Variants in MIEF1 observed in about 807,000 individuals in gnomAD.
MIEF1 encodes the protein mitochondrial elongation factor 1.
In MIEF1, 14 loss-of-function variants were observed where a neutral mutation model predicts 35.1. The ratio of observed to expected loss-of-function variants is 0.40; its 90% confidence interval spans 0.26 to 0.62. The LOEUF is 0.62. Among genes scored for constraint, MIEF1 ranks in the 20% least tolerant of loss-of-function variants. MIEF1 has a pLI of 0.43. For synonymous variants in MIEF1, 245 were observed against 254.3 expected (o/e 0.96, Z 0.35); for missense variants, 542 against 615.4 (o/e 0.88, Z 1.26).
rs1461075523 is a variant in MIEF1, at chr22:39,517,094, CT to C, written c.*2774del. The C allele has an allele frequency of 6.5e-6, 1 of 153,018 alleles. No individual in the cohort carries two copies. Among genetic ancestry groups the C allele is most frequent in the African/African-American group, 2.4e-5 (1 of 41,438 alleles). 9.5% of individuals were successfully genotyped at this position (153,018 alleles called of 1,614,324 possible). The stretch of plus-strand genomic sequence containing the variant: ...TAAATCTTTGGGGAAAGATGAGTAA[CT>C]TTCCCCACTACTCTGCCTTCCTGTT... On this transcript the variant is annotated 3_prime_UTR_variant, in exon 6 of 6. Coordinates refer to ENST00000325301, the MANE Select transcript of MIEF1 (RefSeq NM_019008.6).
In MIEF1 at chr22:39,515,101, T is replaced by C; in HGVS notation, c.*778T>C. 1 of 612,820 alleles carries C rather than the reference T, an allele frequency of 1.6e-6. No individual in the cohort carries two copies. Among genetic ancestry groups the C allele is most frequent in the Admixed American group, 2.9e-5 (1 of 34,272 alleles). The allele number at this position is 612,820 out of a possible 1,614,324, so 38.0% of individuals were successfully genotyped here. On this transcript the variant is annotated 3_prime_UTR_variant, in exon 6 of 6. Transcript: ENST00000325301. The stretch of plus-strand genomic sequence containing the variant: ...GCTGGTTAAGGGCCTAGTGAAGGGT[T>C]TGTGTGCCCAGTGTCTGCTCGTCAT...
Position 39,514,047 on chromosome 22 carries a change from G to C in MIEF1, c.1116G>C (p.Lys372Asn). The C allele has an allele frequency of 1.2e-6, 2 of 1,613,888 alleles. No homozygotes were observed. The highest frequency in any genetic ancestry group is 1.7e-6 in the Non-Finnish European group (2 of 1,180,030). Reference protein sequence around the residue: ...LCLKILKAICKSTPALGHLTA... With the variant: ...LCLKILKAICNSTPALGHLTA... ...TCAAGATCCTCAAGGCCATATGCAA[G>C]TCCACCCCGGCTCTGGGCCACCTCA... is the stretch of plus-strand genomic sequence containing the variant. Residue 372 changes from lysine (K) to asparagine (N), a missense_variant, in exon 6 of 6, where the codon AAG becomes AAC. Physicochemically the swap from Lys to Asn is moderately conservative, Grantham distance 94. Transcript: ENST00000325301.
upstream of MIEF1, chr22:39,500,231 G>A (rs116605518): frequency 1.3e-5 from 2 of 152,152 alleles, no homozygotes; most frequent in Non-Finnish European, 2.9e-5. Flanking sequence ...CCCTGCCGTG[G>A]GTCTCTGGCC....
intron 2 of MIEF1, among the ~76,000 whole-genome samples, chr22:39,506,095 G>A (rs558704147): frequency 2.0e-5 from 3 of 152,276 alleles, no homozygotes; most frequent in South Asian, 2.1e-4. Flanking sequence ...GAATTAGGGC[G>A]TTCCTTGAAA....
chr22:39,507,413 T>C (rs1836017493), intron 2 of MIEF1, among the ~76,000 whole-genome samples: 1 of 151,756 alleles, frequency 6.6e-6, no homozygotes, highest in African/African-American at 2.4e-5. Flanking sequence ...ACCTGGCTAA[T>C]TTTTTGTGTT....
chr22:39,507,201 C>A (rs147537737), intron 2 of MIEF1, among the ~76,000 whole-genome samples: 1 of 152,130 alleles, frequency 6.6e-6, no homozygotes. Flanking sequence ...GATGTCAGTC[C>A]GTCCTTGGAT....
chr22:39,510,169 G>A (rs1930259395), intron 2 of MIEF1, among the ~76,000 whole-genome samples: 1 of 152,142 alleles, frequency 6.6e-6, no homozygotes, highest in Non-Finnish European at 1.5e-5. Context: ...TGTTGGCCAG[G>A]CTTGTCTTGA....
rs1316758148 is a variant in MIEF1 at position 39,513,882 on chromosome 22, C to T, written c.951C>T (p.Thr317=). The T allele has an allele frequency of 1.2e-5, 20 of 1,614,004 alleles. No individual in the cohort carries two copies. The highest frequency in any genetic ancestry group is 1.7e-5 in the Non-Finnish European group (20 of 1,180,038). ...HLFIDFLPSV[T]LGDTVLVAKP... ...TCATTGACTTCCTGCCATCAGTGAC[C>T]CTCGGTGACACAGTCTTGGTGGCCA... The change falls in exon 6 of 6, where the codon ACC becomes ACT. Residue 317 remains threonine (T), a synonymous_variant. Coordinates refer to ENST00000325301, the MANE Select transcript of MIEF1 (RefSeq NM_019008.6).
upstream of MIEF1, chr22:39,501,608 G>A (rs1226250391): frequency 1.3e-5 from 2 of 152,294 alleles, no homozygotes; most frequent in African/African-American, 4.8e-5. Flanking sequence ...GAGAGACAGA[G>A]AAGCAAATGG....
intron 4 of MIEF1, 21 bp downstream of exon 4, chr22:39,512,047 T>C: frequency 1.2e-6 from 2 of 1,603,914 alleles, no homozygotes; most frequent in Non-Finnish European, 1.7e-6. Context: ...CTGCTGCCCC[T>C]CCTGGGACCT....
rs761909986 is a variant in MIEF1, at chr22:39,513,861, T to A, written c.930T>A (p.Ile310=). ...ATGAGCGTGACAAACATCTCTTCATTGACTTCCTGCCATCAGTGACCCTCG... is the reference window on the plus strand; with the variant it reads ...ATGAGCGTGACAAACATCTCTTCATAGACTTCCTGCCATCAGTGACCCTCG... ...VQYERDKHLF[I]DFLPSVTLGD... is the part of the protein sequence containing the mutation. The change falls in exon 6 of 6, where the codon ATT becomes ATA. Residue 310 remains isoleucine, a synonymous_variant. Coordinates refer to ENST00000325301, the MANE Select transcript of MIEF1 (RefSeq NM_019008.6). 1.2e-6 allele frequency: 2 copies of A among 1,614,058 alleles called. No homozygotes were observed. Among genetic ancestry groups the A allele is most frequent in the Admixed American group, 3.3e-5 (2 of 60,024 alleles).
In MIEF1 at chr22:39,517,904, C is replaced by G; in HGVS notation, c.*3581C>G. The G allele has an allele frequency of 4.3e-6, 1 of 231,694 alleles. No homozygotes were observed. The highest frequency in any genetic ancestry group is 8.8e-6 in the Non-Finnish European group (1 of 114,142). The allele number at this position is 231,694 out of a possible 1,614,324, so 14.4% of individuals were successfully genotyped here. ...TGAGGCCAAGTCCACAACTTGCCTT[C>G]TAGTCACTTGCCTGCCCGCAGTGGT... On this transcript the variant is annotated 3_prime_UTR_variant, in exon 6 of 6. Coordinates refer to ENST00000325301, the MANE Select transcript of MIEF1 (RefSeq NM_019008.6).
chr22:39,513,681 C>A lies in MIEF1; in HGVS notation c.750C>A (p.Arg250=). Residue 250 remains arginine, a synonymous_variant, in exon 6 of 6, where the codon CGC becomes CGA. Transcript: ENST00000325301. ...YFPRGSSYWD[R]CVVGGYLSPK... ...CTCGTGGGAGCAGTTACTGGGACCG[C>A]TGTGTAGTAGGGGGCTACCTCTCTC... The A allele has an allele frequency of 6.2e-7, 1 of 1,614,134 alleles. No homozygotes were observed. Among genetic ancestry groups the A allele is most frequent in the Non-Finnish European group, 8.5e-7 (1 of 1,180,022 alleles).
Position 39,514,316 on chromosome 22 carries a change from AGAC to A in MIEF1, c.1387_1389del (p.Thr463del). On this transcript the variant is annotated inframe_deletion, in exon 6 of 6. Transcript: ENST00000325301. ...TTGTCTGAGCCAGAGGTGCTGCTGC[AGAC>A]GTAGGGCAGGTGAAGGCCAAAGCGG... 1.2e-6 allele frequency: 2 copies of A among 1,613,324 alleles called. No individual in the cohort carries two copies. The highest frequency in any genetic ancestry group is 1.7e-6 in the Non-Finnish European group (2 of 1,179,600).
At chr22:39,507,661 C>G (rs569622305) in intron 2 of MIEF1, among the ~76,000 whole-genome samples, 10 of 151,596 alleles carry the variant, frequency 6.6e-5, no homozygotes, top group Admixed American at 6.6e-4. Flanking sequence ...GTCAGGAGTT[C>G]GAGACCAGCC....
At position 39,514,021 on chromosome 22, in the gene MIEF1, C is replaced by T. The variant is rs1224194036; in HGVS notation, c.1090C>T (p.Leu364Phe). The T allele has an allele frequency of 1.9e-6, 3 of 1,613,684 alleles. No homozygotes were observed. Among genetic ancestry groups the T allele is most frequent in the Non-Finnish European group, 2.5e-6 (3 of 1,180,036 alleles). ...TGACTCGGGCTGCCGATCTCTGTGC[C>T]TCAAGATCCTCAAGGCCATATGCAA... is the stretch of plus-strand genomic sequence containing the variant. ...QADSGCRSLC[L>F]KILKAICKST... Residue 364 changes from leucine (L) to phenylalanine (F), a missense_variant, in exon 6 of 6, where the codon CTC becomes TTC. Transcript: ENST00000325301.
At position 39,511,557 on chromosome 22, in the gene MIEF1, A is replaced by G. The variant is rs566461753; in HGVS notation, c.144+119A>G. 3.7e-5 allele frequency: 52 copies of G among 1,395,660 alleles called. No homozygotes were observed. In the African/African-American group the frequency reaches 7.0e-4, roughly 19 times the overall value. The allele number at this position is 1,395,660 out of a possible 1,614,324, so 86.5% of individuals were successfully genotyped here. ...AGGAAATGATCGCAATGATAAGTGA[A>G]AAAAACAGGTTTCAAAAGTATGTAT... On this transcript the variant is annotated intron_variant, in intron 3 of 5. Transcript: ENST00000325301.
Position 39,504,516 on chromosome 22 carries a change from A to C in MIEF1, c.-26A>C. On this transcript the variant is annotated 5_prime_UTR_variant, in exon 2 of 6. An upstream start codon of the reference 5' UTR is lost. Coordinates refer to ENST00000325301, the MANE Select transcript of MIEF1 (RefSeq NM_019008.6). The stretch of plus-strand genomic sequence containing the variant: ...GCTCTCTTCCATCCCCATCTTACAG[A>C]TGTATTAAGAAGCCTCAGGTACGTA... The C allele has an allele frequency of 2.5e-6, 1 of 398,364 alleles. No individual in the cohort carries two copies. The highest frequency in any genetic ancestry group is 4.4e-6 in the Non-Finnish European group (1 of 226,054). The allele number at this position is 398,364 out of a possible 1,614,324, so 24.7% of individuals were successfully genotyped here.
At chr22:39,502,015 C>T (rs1929730954), upstream of MIEF1, 1 of 152,384 alleles carries the variant, frequency 6.6e-6, no homozygotes. Context: ...AAGGGGTTGC[C>T]AGCAGGTGAG....
Sources: gnomAD v4.1 joint callset for allele counts (sites outside exome capture counted in the v4.1 genomes callset) on GRCh38, gnomAD v4.1.1 for gene constraint, MANE v1.5 for transcripts, NCBI Gene and HGNC (gene_info 2026-07-23, HGNC 2026-07-21) for gene names.